CWC27: variants seen among roughly 807,000 people sequenced by gnomAD.
CWC27 encodes the protein CWC27 spliceosome associated cyclophilin.
A neutral mutation model predicts 63.6 loss-of-function variants in CWC27; 47 were observed. The ratio of observed to expected loss-of-function variants is 0.74; its 90% CI spans 0.58 to 0.94. The LOEUF is 0.94. Ranked by LOEUF, CWC27 falls within the 40% of genes least tolerant of loss-of-function variation. The probability of loss-of-function intolerance (pLI) is 0.00; values close to 1 mark genes in which losing one functional copy is unlikely to be tolerated. For missense variants in CWC27, 495 were observed against 554.3 expected, an observed-to-expected ratio of 0.89 and a Z score of 1.07; for synonymous variants, 175 against 179.8, an observed-to-expected ratio of 0.97 and a Z score of 0.22.
At chr5:64,920,150 G>A (rs1747969841) in intron 11 of CWC27, among the ~76,000 whole-genome samples, 1 of 150,446 alleles carries the variant, frequency 6.6e-6, no homozygotes, top group Non-Finnish European at 1.5e-5. Flanking sequence ...ACTTTTTTTT[G>A]TAGAGACAGG....
At chr5:65,001,328 G>T (rs968545754) in intron 13 of CWC27, among the ~76,000 whole-genome samples, 2 of 152,038 alleles carry the variant, frequency 1.3e-5, no homozygotes, top group African/African-American at 2.4e-5. Flanking sequence ...TTGCCTGATT[G>T]CTCTGACTAG....
chr5:64,799,084 G>A (rs185253033), intron 7 of CWC27, among the ~76,000 whole-genome samples: 3 of 152,270 alleles, frequency 2.0e-5, no homozygotes, highest in Non-Finnish European at 4.4e-5. Context: ...TTAGATTTTC[G>A]ATATATGGGT....
At chr5:64,830,025 T>A (rs1745474561) in intron 10 of CWC27, among the ~76,000 whole-genome samples, 1 of 128,066 alleles carries the variant, frequency 7.8e-6, no homozygotes, top group South Asian at 2.7e-4. Context: ...TCTTTTCCAT[T>A]CTTTTTTTTT....
chr5:64,980,783 A>T (rs896486651), intron 13 of CWC27, among the ~76,000 whole-genome samples: 1 of 152,190 alleles, frequency 6.6e-6, no homozygotes, highest in Non-Finnish European at 1.5e-5. Flanking sequence ...TTTACTGATT[A>T]TTATATAACT....
intron 7 of CWC27, among the ~76,000 whole-genome samples, chr5:64,790,274 A>G (rs147640115): frequency 6.6e-6 from 1 of 152,258 alleles, no homozygotes; most frequent in Non-Finnish European, 1.5e-5. Context: ...TGTCAAAACT[A>G]AATTCATTTT....
At chr5:64,871,425 G>C (rs574024370) in intron 10 of CWC27, among the ~76,000 whole-genome samples, 1 of 152,204 alleles carries the variant, frequency 6.6e-6, no homozygotes, top group African/African-American at 2.4e-5. Context: ...GTTATGAGCA[G>C]AAGGGAAGTG....
intron 10 of CWC27, among the ~76,000 whole-genome samples, chr5:64,816,466 C>T (rs1745033812): frequency 6.6e-6 from 1 of 152,052 alleles, no homozygotes; most frequent in African/African-American, 2.4e-5. Flanking sequence ...ATGTGTCAGA[C>T]ATTCAGGCCG....
chr5:64,961,231 T>C (rs1241109757), intron 11 of CWC27, among the ~76,000 whole-genome samples: 1 of 152,250 alleles, frequency 6.6e-6, no homozygotes, highest in African/African-American at 2.4e-5. Flanking sequence ...GCCCAGGCTC[T>C]GCTGATAACT....
intron 7 of CWC27, among the ~76,000 whole-genome samples, chr5:64,796,406 A>G (rs565474720): frequency 2.6e-5 from 4 of 152,214 alleles, no homozygotes; most frequent in African/African-American, 9.6e-5. Context: ...AATTCAAAAT[A>G]CACAGGCTGG....
At chr5:64,858,738 T>C (rs1746325338) in intron 10 of CWC27, among the ~76,000 whole-genome samples, 1 of 149,630 alleles carries the variant, frequency 6.7e-6, no homozygotes, top group African/African-American at 2.5e-5. Context: ...AAAAAAAAAA[T>C]GAAAAAACCA....
chr5:64,797,162 C>G (rs1744305694), intron 7 of CWC27, among the ~76,000 whole-genome samples: 1 of 151,948 alleles, frequency 6.6e-6, no homozygotes, highest in South Asian at 2.1e-4. Context: ...TTTAGTATTT[C>G]ATTCATCAGC....
intron 13 of CWC27, among the ~76,000 whole-genome samples, chr5:64,993,254 TACTC>T (rs1472796337): frequency 6.6e-6 from 1 of 152,188 alleles, no homozygotes; most frequent in Non-Finnish European, 1.5e-5. Context: ...CTTGACATGT[TACTC>T]AAGCAGCACA....
chr5:64,906,819 C>A (rs963831022), intron 11 of CWC27, among the ~76,000 whole-genome samples: 2 of 152,168 alleles, frequency 1.3e-5, no homozygotes, highest in African/African-American at 2.4e-5. Flanking sequence ...ACATTTAAGT[C>A]TTTAATTCAT....
intron 2 of CWC27, among the ~76,000 whole-genome samples, chr5:64,780,388 T>C (rs1364906821): frequency 6.6e-6 from 1 of 151,618 alleles, no homozygotes; most frequent in African/African-American, 2.4e-5. Flanking sequence ...AGTACTTGTT[T>C]TCAACTCTTT....
chr5:64,850,235 G>A lies in CWC27; in HGVS notation c.939-35208G>A, dbSNP rs1028635500. 4.7e-3 allele frequency among the ~76,000 whole-genome samples: 417 copies of A among 89,494 alleles called. 3 individuals are homozygous for A. Among genetic ancestry groups the A allele is most frequent in the African/African-American group, 7.1e-3 (150 of 21,080 alleles). The allele number at this position is 89,494 out of a possible 152,430, so 58.7% of individuals were successfully genotyped here. ...CAGCTTGGTACTGGCCAAAAAAAAA[G>A]ACCCGTCAACCAATTGAAGGGCATA... is the stretch of plus-strand genomic sequence containing the variant. On this transcript the variant is annotated intron_variant, in intron 10 of 13. Transcript: ENST00000381070.
At chr5:64,827,403 C>G (rs534915762) in intron 10 of CWC27, among the ~76,000 whole-genome samples, 1 of 152,202 alleles carries the variant, frequency 6.6e-6, no homozygotes, top group African/African-American at 2.4e-5. Flanking sequence ...GTTTCTTTTC[C>G]CATTACCATT....
intron 11 of CWC27, among the ~76,000 whole-genome samples, chr5:64,916,430 G>T (rs1177537749): frequency 6.6e-6 from 1 of 152,062 alleles, no homozygotes; most frequent in Admixed American, 6.6e-5. Flanking sequence ...ATGTTTCGTG[G>T]CCATAATGAA....
At chr5:64,878,390 A>T (rs888136821) in intron 10 of CWC27, among the ~76,000 whole-genome samples, 17 of 142,880 alleles carry the variant, frequency 1.2e-4, no homozygotes, top group Non-Finnish European at 2.1e-4. Flanking sequence ...AACAGTCATG[A>T]GTTGGTTGTA....
chr5:64,911,483 A>G (rs1747784564), intron 11 of CWC27, among the ~76,000 whole-genome samples: 1 of 152,244 alleles, frequency 6.6e-6, no homozygotes, highest in Non-Finnish European at 1.5e-5. Flanking sequence ...AATCCTTTAA[A>G]AAATAAATCT....
Sources: gnomAD v4.1 joint callset for allele counts (sites outside exome capture counted in the v4.1 genomes callset) on GRCh38, gnomAD v4.1.1 for gene constraint, MANE v1.5 for transcripts, NCBI Gene and HGNC (gene_info 2026-07-23, HGNC 2026-07-21) for gene names.